Variants in PLIN4 observed in about 807,000 individuals in gnomAD.
PLIN4 encodes the protein perilipin 4.
Under a neutral mutation model 52.4 loss-of-function variants are expected in PLIN4, and 57 were observed. That is an observed-to-expected ratio of 1.09 (90% confidence interval 0.88 to 1.36). The LOEUF is 1.36. Among genes scored for constraint, PLIN4 ranks in the 40% most tolerant of loss-of-function variants. The pLI, the probability that PLIN4 is intolerant of heterozygous loss-of-function variation, is 0.00. For synonymous variants in PLIN4, 826 were observed against 785.4 expected (o/e 1.05, Z -0.86); for missense variants, 1,757 against 1,770.3 (o/e 0.99, Z 0.13).
chr19:4,511,703 C>A lies in PLIN4; in HGVS notation c.2257G>T (p.Asp753Tyr). The change falls in exon 5 of 8, where the codon GAC becomes TAC. Residue 753 changes from aspartate to tyrosine, a missense_variant. Physicochemically the swap from Asp to Tyr is radical, Grantham distance 160. Around this residue, in one of 7 missense-constraint regions of PLIN4, gnomAD observed 96 missense variants for 136.5 expected, o/e 0.70. Coordinates refer to ENST00000301286, the MANE Select transcript of PLIN4 (RefSeq NM_001367868.2). Reference protein sequence around the residue: ...VAKGAIQGGLDTTKSVLTGTK... With the variant: ...VAKGAIQGGLYTTKSVLTGTK... ...CCAGTCAGGACAGACTTTGTAGTGT[C>A]CAGGCCCCCTTGGATGGCCCCTTTG... 1 of 1,174,736 alleles carries A rather than the reference C, an allele frequency of 8.5e-7. No homozygotes were observed. Among genetic ancestry groups the A allele is most frequent in the Non-Finnish European group, 1.2e-6 (1 of 845,712 alleles). The allele number at this position is 1,174,736 out of a possible 1,614,324, so 72.8% of individuals were successfully genotyped here.
At position 4,511,159 on chromosome 19, in the gene PLIN4, C is replaced by G. The variant is rs889876421; in HGVS notation, c.2801G>C (p.Gly934Ala). The G allele has an allele frequency of 4.3e-6, 7 of 1,610,868 alleles. No homozygotes were observed. The highest frequency in any genetic ancestry group is 5.9e-6 in the Non-Finnish European group (7 of 1,177,830). The change falls in exon 5 of 8, where the codon GGA (glycine) becomes GCA (alanine). Residue 934 changes from glycine to alanine, a missense_variant. By Grantham distance (60) the Gly-to-Ala change is moderately conservative. Coordinates refer to ENST00000301286, the MANE Select transcript of PLIN4 (RefSeq NM_001367868.2). The stretch of plus-strand genomic sequence containing the variant: ...GGCCACATTTACGGCACCAGTGACT[C>G]CACTGCAGACGGTGTCCTTGGTACC... ...LTGTKDTVCSGVTGAVNVAKG... is the reference protein window; with the variant it reads ...LTGTKDTVCSAVTGAVNVAKG...
At chr19:4,517,489 G>C in intron 3 of PLIN4, 65 bp downstream of exon 3, 1 of 1,537,840 alleles carries the variant, frequency 6.5e-7, no homozygotes, top group Non-Finnish European at 8.8e-7. Flanking sequence ...CCCTGCCCGG[G>C]GAGCTCCTTC....
chr19:4,506,478 G>A (rs539616406), intron 6 of PLIN4, among the ~76,000 whole-genome samples: 18 of 152,210 alleles, frequency 1.2e-4, no homozygotes, highest in East Asian at 1.9e-4. Context: ...ATCATCCAAC[G>A]CGACGCCCTA....
chr19:4,512,620 GCC>G lies in PLIN4; in HGVS notation c.1338_1339del (p.Leu446PhefsTer53). ...CACGCCTGTCTGGATGGTTCCTCTG[GCC>G]AAATTCATGGCACCAGTCACCCCAC... On this transcript the variant is annotated frameshift_variant, in exon 5 of 8. Coordinates refer to ENST00000301286, the MANE Select transcript of PLIN4 (RefSeq NM_001367868.2). LOFTEE classifies it high-confidence loss of function. The G allele has an allele frequency of 2.5e-6, 4 of 1,602,436 alleles. No homozygotes were observed. The highest frequency in any genetic ancestry group is 3.3e-4 in the Middle Eastern group (2 of 6,036).
rs71168909 is a variant in PLIN4 at position 4,509,310 on chromosome 19, C to CAA, written c.3515-357_3515-356dup. On this transcript the variant is annotated intron_variant, in intron 5 of 7. Transcript: ENST00000301286. ...TGGGTAAGAGTGCGAGACTCCGTCT[C>CAA]AAAAAAAAAAAAAAAGTTAAGTGAG... 6.3e-4 allele frequency among the ~76,000 whole-genome samples: 10 copies of CAA among 15,784 alleles called. 3 individuals carry two copies. Among genetic ancestry groups the CAA allele is most frequent in the African/African-American group, 1.2e-3 (6 of 5,012 alleles). The allele number at this position is 15,784 out of a possible 152,430, so 10.4% of individuals were successfully genotyped here. A position where few individuals can be genotyped will look rare whatever the true frequency, so the allele number is the denominator to read the frequency against.
intron 6 of PLIN4, among the ~76,000 whole-genome samples, chr19:4,505,300 C>A (rs1176430886): frequency 4.6e-5 from 7 of 152,200 alleles, no homozygotes; most frequent in Admixed American, 1.3e-4. Context: ...CATGGCACCC[C>A]ACTGCTGTCT....
chr19:4,515,163 G>A (rs1049279544), intron 4 of PLIN4, among the ~76,000 whole-genome samples: 12 of 151,410 alleles, frequency 7.9e-5, no homozygotes, highest in Non-Finnish European at 1.6e-4. Context: ...GTGACAGAGC[G>A]AGACTGTCTC....
In PLIN4 at chr19:4,511,634, A is replaced by G. The variant is rs75876308; in HGVS notation, c.2326T>C (p.Leu776=). ...CCGGTCTGGACAGTCCCTTTGGCCA[A>G]CTTCACAGCCCCTGTGAGCCCAGTG... ...VSTGLTGAVK[L]AKGTVQTGMD... is the part of the protein sequence containing the mutation. Residue 776 remains leucine (L), a synonymous_variant, in exon 5 of 8, where the codon TTG becomes CTG. Transcript: ENST00000301286. The G allele has an allele frequency of 1.7e-5, 19 of 1,124,060 alleles. 1 individual carries two copies. Among genetic ancestry groups the G allele is most frequent in the South Asian group, 9.2e-5 (6 of 65,550 alleles). The allele number at this position is 1,124,060 out of a possible 1,614,324, so 69.6% of individuals were successfully genotyped here. A position where few individuals can be genotyped will look rare whatever the true frequency, so the allele number is the denominator to read the frequency against.
Position 4,503,224 on chromosome 19 carries a change from G to A in PLIN4, c.*1235C>T, listed in dbSNP as rs1476149265. ...TGGGGTTCCTGGGCTCGTGTCCTAG[G>A]AGAGCATGGAAAGGGGACGACAAGG... is the stretch of plus-strand genomic sequence containing the variant. On this transcript the variant is annotated 3_prime_UTR_variant, in exon 8 of 8. Coordinates refer to ENST00000301286, the MANE Select transcript of PLIN4 (RefSeq NM_001367868.2). The A allele has an allele frequency of 6.6e-6, 1 of 152,444 alleles. No homozygotes were observed. The highest frequency in any genetic ancestry group is 1.5e-5 in the Non-Finnish European group (1 of 68,232). 9.4% of individuals were successfully genotyped at this position (152,444 alleles called of 1,614,324 possible). A position where few individuals can be genotyped will look rare whatever the true frequency, so the allele number is the denominator to read the frequency against.
At chr19:4,506,885 G>A (rs1279654732) in intron 6 of PLIN4, among the ~76,000 whole-genome samples, 1 of 152,258 alleles carries the variant, frequency 6.6e-6, no homozygotes, top group Non-Finnish European at 1.5e-5. Flanking sequence ...GGCAGCGACT[G>A]TGCATCTGGG....
In PLIN4 at chr19:4,513,422, C is replaced by T. The variant is rs1375004345; in HGVS notation, c.538G>A (p.Val180Met). 4 of 1,613,644 alleles carry T rather than the reference C, an allele frequency of 2.5e-6. No individual in the cohort carries two copies. The highest frequency in any genetic ancestry group is 2.2e-5 in the East Asian group (1 of 44,890). ...TGTACGGTCCCTTTGGCCACATTCACTGCCCCCGTGAGCCCAGTGGACACC... is the reference window on the plus strand; with the variant it reads ...TGTACGGTCCCTTTGGCCACATTCATTGCCCCCGTGAGCCCAGTGGACACC... ...DTVSTGLTGA[V>M]NVAKGTVQAG... The change falls in exon 5 of 8, where the codon GTG becomes ATG. Residue 180 changes from valine to methionine, a missense_variant. By Grantham distance (21) the Val-to-Met change is conservative (BLOSUM62 1). This residue lies in a region of PLIN4 where 332 missense variants were observed against 310.8 expected (regional missense o/e 1.07). Transcript: ENST00000301286.
rs1218674328 is a variant in PLIN4 at position 4,504,324 on chromosome 19, C to T, written c.*135G>A. On this transcript the variant is annotated 3_prime_UTR_variant, in exon 8 of 8. Transcript: ENST00000301286. ...TCACTGCCTCCGCAGCCCCTCGGCG[C>T]TCAGCCAGCTGCAGCCCCAAAGGTC... 1.9e-5 allele frequency: 18 copies of T among 940,178 alleles called. No homozygotes were observed. Among genetic ancestry groups the T allele is most frequent in the Non-Finnish European group, 1.5e-6 (1 of 657,622 alleles). The allele number at this position is 940,178 out of a possible 1,614,324, so 58.2% of individuals were successfully genotyped here. A position where few individuals can be genotyped will look rare whatever the true frequency, so the allele number is the denominator to read the frequency against.
Position 4,510,767 on chromosome 19 carries a change from C to A in PLIN4, c.3193G>T (p.Gly1065Cys), listed in dbSNP as rs1325468079. Residue 1065 changes from glycine (G) to cysteine (C), a missense_variant, in exon 5 of 8, where the codon GGT becomes TGT. By Grantham distance (159) the Gly-to-Cys change is radical (BLOSUM62 -3). This residue lies in a region of PLIN4 where 712 missense variants were observed against 637.1 expected (regional missense o/e 1.12). Coordinates refer to ENST00000301286, the MANE Select transcript of PLIN4 (RefSeq NM_001367868.2). ...WLPSTPATSW[G>C]GLTSSRTTDN... The stretch of plus-strand genomic sequence containing the variant: ...GTGGTCCTGGAACTGGTGAGTCCAC[C>A]CCAGGAGGTGGCGGGGGTACTAGGT... 1 of 1,574,954 alleles carries A rather than the reference C, an allele frequency of 6.3e-7. No homozygotes were observed. Among genetic ancestry groups the A allele is most frequent in the Non-Finnish European group, 8.6e-7 (1 of 1,158,024 alleles).
Position 4,511,681 on chromosome 19 carries a change from G to A in PLIN4, c.2279C>T (p.Thr760Ile), listed in dbSNP as rs776258471. 8.4e-7 allele frequency: 1 copy of A among 1,191,654 alleles called. No individual in the cohort carries two copies. The highest frequency in any genetic ancestry group is 1.5e-5 in the African/African-American group (1 of 66,934). The allele number at this position is 1,191,654 out of a possible 1,614,324, so 73.8% of individuals were successfully genotyped here. ...GGLDTTKSVLTGTKDAVSTGL... is the reference protein window; with the variant it reads ...GGLDTTKSVLIGTKDAVSTGL... ...AGTGGACACAGCATCTTTAGTGCCA[G>A]TCAGGACAGACTTTGTAGTGTCCAG... is the stretch of plus-strand genomic sequence containing the variant. The change falls in exon 5 of 8, where the codon ACT becomes ATT. Residue 760 changes from threonine (T) to isoleucine (I), a missense_variant. Transcript: ENST00000301286.
chr19:4,508,841 G>C lies in PLIN4; in HGVS notation c.3629C>G (p.Ala1210Gly), dbSNP rs748446959. 1 of 1,609,718 alleles carries C rather than the reference G, an allele frequency of 6.2e-7. No homozygotes were observed. The highest frequency in any genetic ancestry group is 1.3e-5 in the African/African-American group (1 of 74,952). Residue 1210 changes from alanine (A) to glycine (G), a missense_variant, in exon 6 of 8, where the codon GCG becomes GGG. Coordinates refer to ENST00000301286, the MANE Select transcript of PLIN4 (RefSeq NM_001367868.2). ...PSFRQRAFEH[A>G]VSHLQHGQFQ... ...CTGGCCGTGCTGCAGGTGGCTCACCGCGTGTTCAAATGCCCGCTGGCGGAA... is the reference window on the plus strand; with the variant it reads ...CTGGCCGTGCTGCAGGTGGCTCACCCCGTGTTCAAATGCCCGCTGGCGGAA...
Position 4,504,253 on chromosome 19 carries a change from T to G in PLIN4, c.*206A>C. The G allele has an allele frequency of 2.0e-6, 1 of 506,552 alleles. No individual in the cohort carries two copies. Among genetic ancestry groups the G allele is most frequent in the Non-Finnish European group, 3.4e-6 (1 of 294,124 alleles). The allele number at this position is 506,552 out of a possible 1,614,324, so 31.4% of individuals were successfully genotyped here. ...GCAGCGCTGGGGAGGAGGTGGGAGA[T>G]GCAGGCAGGCCCGGAGCAGGGCGTG... is the stretch of plus-strand genomic sequence containing the variant. On this transcript the variant is annotated 3_prime_UTR_variant, in exon 8 of 8. Coordinates refer to ENST00000301286, the MANE Select transcript of PLIN4 (RefSeq NM_001367868.2).
Position 4,504,908 on chromosome 19 carries a change from G to T in PLIN4, c.3742C>A (p.Leu1248Met). The T allele has an allele frequency of 6.2e-7, 1 of 1,608,188 alleles. No homozygotes were observed. Among genetic ancestry groups the T allele is most frequent in the East Asian group, 2.2e-5 (1 of 44,752 alleles). ...GCACTGGCACCTGAGCCCTGGTCCA[G>T]ACGTGGCTGCCCTTCTGGAGCCTGC... ...AQQAPEGQPR[L>M]DQGSGASAED... The change falls in exon 7 of 8, where the codon CTG becomes ATG. Residue 1248 changes from leucine to methionine, a missense_variant. By Grantham distance (15) the Leu-to-Met change is conservative. Around this residue, in one of 7 missense-constraint regions of PLIN4, gnomAD observed 712 missense variants for 637.1 expected, o/e 1.12. Coordinates refer to ENST00000301286, the MANE Select transcript of PLIN4 (RefSeq NM_001367868.2).
Position 4,504,951 on chromosome 19 carries a change from G to T in PLIN4, c.3703-4C>A. 1 of 1,599,172 alleles carries T rather than the reference G, an allele frequency of 6.3e-7. No homozygotes were observed. ...GAGCCTGCTGGGCCTTTTCAATCTGGAGAGAGAGTACAGTGGGGAAATGAT... is the reference window on the plus strand; with the variant it reads ...GAGCCTGCTGGGCCTTTTCAATCTGTAGAGAGAGTACAGTGGGGAAATGAT... On this transcript the variant is annotated splice_polypyrimidine_tract_variant and splice_region_variant and intron_variant, in intron 6 of 7. Transcript: ENST00000301286.
intron 6 of PLIN4, among the ~76,000 whole-genome samples, chr19:4,505,206 C>T (rs1245346698): frequency 2.0e-5 from 3 of 152,202 alleles, no homozygotes; most frequent in Non-Finnish European, 2.9e-5. Context: ...AAACCTGTGG[C>T]TGCCCAGTAC....
Sources: gnomAD v4.1 joint callset for allele counts (sites outside exome capture counted in the v4.1 genomes callset) on GRCh38, gnomAD v4.1.1 for gene constraint, gnomAD v4.1.1 regional missense constraint, MANE v1.5 for transcripts, NCBI Gene and HGNC (gene_info 2026-07-23, HGNC 2026-07-21) for gene names.